Variants in GOLM1 observed in about 807,000 individuals in gnomAD.
The protein encoded by GOLM1 is epididymis luminal protein 46.
In GOLM1, 31 loss-of-function variants were observed where a neutral mutation model predicts 50.5. The ratio of observed to expected loss-of-function variants is 0.61; its 90% confidence interval spans 0.46 to 0.83. GOLM1 has a LOEUF of 0.83. Ranked by LOEUF, GOLM1 falls within the 40% of genes least tolerant of loss-of-function variation. The pLI, the probability that GOLM1 is intolerant of heterozygous loss-of-function variation, is 0.00. For synonymous variants in GOLM1, 178 were observed against 192.8 expected (o/e 0.92, Z 0.64); for missense variants, 491 against 501.3 (o/e 0.98, Z 0.20).
chr9:86,089,421 T>C (rs1835102555), intron 1 of GOLM1, among the ~76,000 whole-genome samples: 1 of 152,174 alleles, frequency 6.6e-6, no homozygotes, highest in South Asian at 2.1e-4. Flanking sequence ...TCTTTTCACA[T>C]AGTTCCATAT....
At chr9:86,044,355 T>G (rs1833462482) in intron 5 of GOLM1, among the ~76,000 whole-genome samples, 1 of 152,224 alleles carries the variant, frequency 6.6e-6, no homozygotes, top group South Asian at 2.1e-4. Flanking sequence ...TTCAGTTGTA[T>G]GTGGTTATAA....
chr9:86,077,180 T>C (rs1297540310), intron 3 of GOLM1, among the ~76,000 whole-genome samples: 2 of 151,890 alleles, frequency 1.3e-5, no homozygotes, highest in Non-Finnish European at 1.5e-5. Flanking sequence ...AATCTGAAAT[T>C]GTTCTTCTGC....
At chr9:86,053,439 C>CTGCTCCACACAACA (rs1564347210) in intron 3 of GOLM1, among the ~76,000 whole-genome samples, 4 of 4,864 alleles carry the variant, frequency 8.2e-4, no homozygotes, top group South Asian at 4.5e-3. Flanking sequence ...ACACCACACA[C>CTGCTCCACACAACA]CATTCCATAC....
intron 1 of GOLM1, among the ~76,000 whole-genome samples, chr9:86,098,721 G>A (rs1009800680): frequency 3.3e-5 from 5 of 152,224 alleles, no homozygotes; most frequent in Non-Finnish European, 5.9e-5. Context: ...TATTAAATGG[G>A]ATATGATTTT....
At chr9:86,041,402 T>C (rs527931676) in intron 5 of GOLM1, among the ~76,000 whole-genome samples, 11 of 152,282 alleles carry the variant, frequency 7.2e-5, no homozygotes, top group African/African-American at 1.7e-4. Context: ...GGAGTGGAGA[T>C]TGAGTTCAAC....
intron 1 of GOLM1, among the ~76,000 whole-genome samples, chr9:86,096,867 A>G (rs7852116): frequency 0.73 from 111,552 of 152,032 alleles, 41,971 homozygotes; most frequent in African/African-American, 0.9. Flanking sequence ...TTTTATTACT[A>G]AGAAACATCA....
intron 3 of GOLM1, among the ~76,000 whole-genome samples, chr9:86,076,112 C>T (rs114142396): frequency 0.023 from 3,573 of 152,156 alleles, 158 homozygotes; most frequent in African/African-American, 0.08. Flanking sequence ...GAGAGGTACA[C>T]GCATTATAAA....
At chr9:86,077,675 T>C (rs1205070459) in intron 2 of GOLM1, 84 bp from the exon 3 acceptor site, 3 of 935,842 alleles carry the variant, frequency 3.2e-6, no homozygotes, top group Admixed American at 3.8e-5. Flanking sequence ...AAAGACCACC[T>C]TGGGGCCCAG....
At chr9:86,076,937 GGTTT>G (rs1410163095) in intron 3 of GOLM1, among the ~76,000 whole-genome samples, 1 of 151,764 alleles carries the variant, frequency 6.6e-6, no homozygotes, top group African/African-American at 2.4e-5. Flanking sequence ...AGGATTTGTT[GGTTT>G]TTTTCCTAGC....
At chr9:86,035,866 C>CAAAAAAAAAAAAAAAAAAAAAAAAA (rs1276980708) in intron 7 of GOLM1, among the ~76,000 whole-genome samples, 3 of 46,740 alleles carry the variant, frequency 6.4e-5, no homozygotes, top group Admixed American at 2.7e-4. Flanking sequence ...AGTAGCTTAC[C>CAAAAAAAAAAAAAAAAAAAAAAAAA]AAAAAAAAAA....
At chr9:86,088,567 GTTTT>G (rs1230391173) in intron 1 of GOLM1, among the ~76,000 whole-genome samples, 4 of 58,798 alleles carry the variant, frequency 6.8e-5, no homozygotes, top group Non-Finnish European at 8.8e-5. Flanking sequence ...GCAACTCCTG[GTTTT>G]GTTTTTTTTT....
At position 86,055,792 on chromosome 9, in the gene GOLM1, G is replaced by C. The variant is rs140315675; in HGVS notation, c.310-3201C>G. 1.8e-3 allele frequency among the ~76,000 whole-genome samples: 269 copies of C among 152,236 alleles called. 1 individual carries two copies. Among genetic ancestry groups the C allele is most frequent in the Non-Finnish European group, 2.8e-3 (192 of 68,002 alleles). On this transcript the variant is annotated intron_variant, in intron 3 of 9. Transcript: ENST00000388712. ...GGTGGCTGTCCAGGGATAGGAGAGG[G>C]GGGAGGGAAATTGGTGTTTAGTGAG... is the stretch of plus-strand genomic sequence containing the variant.
At chr9:86,053,374 A>ATACACAT (rs1833841061) in intron 3 of GOLM1, among the ~76,000 whole-genome samples, 4 of 114,748 alleles carry the variant, frequency 3.5e-5, no homozygotes, top group Non-Finnish European at 3.6e-5. Context: ...ACTCCACACC[A>ATACACAT]CACACACCAA....
chr9:86,059,325 A>C (rs1030077771), intron 3 of GOLM1, among the ~76,000 whole-genome samples: 1 of 152,246 alleles, frequency 6.6e-6, no homozygotes, highest in African/African-American at 2.4e-5. Context: ...AGATAAAGCA[A>C]ACATGGTATA....
At chr9:86,062,268 G>A (rs1834182060) in intron 3 of GOLM1, among the ~76,000 whole-genome samples, 1 of 152,160 alleles carries the variant, frequency 6.6e-6, no homozygotes, top group Non-Finnish European at 1.5e-5. Context: ...TCCATGAGGT[G>A]TGGTGGCCAT....
chr9:86,056,451 A>T (rs1368848732), intron 3 of GOLM1, among the ~76,000 whole-genome samples: 1 of 151,552 alleles, frequency 6.6e-6, no homozygotes, highest in Non-Finnish European at 1.5e-5. Context: ...CATATTATAA[A>T]GAAGAAAAAA....
chr9:86,099,347 CA>C (rs1219046675), intron 1 of GOLM1, 63 bp downstream of exon 1: 9 of 151,766 alleles, frequency 5.9e-5, no homozygotes, highest in African/African-American at 2.2e-4. Context: ...GGGCCCTGGG[CA>C]AAGGAGGGAG....
chr9:86,051,294 A>AT (rs1833742166), intron 4 of GOLM1, among the ~76,000 whole-genome samples: 1 of 152,200 alleles, frequency 6.6e-6, no homozygotes, highest in Non-Finnish European at 1.5e-5. Flanking sequence ...CTATGTGGTC[A>AT]ATTTTGGAAT....
chr9:86,099,937 C>T (rs1159421608), upstream of GOLM1: 1 of 152,390 alleles, frequency 6.6e-6, no homozygotes, highest in Non-Finnish European at 1.5e-5. Flanking sequence ...GCCACACTCA[C>T]GTTACCTTCT....
Sources: allele counts gnomAD v4.1 joint callset (sites outside exome capture counted in the v4.1 genomes callset), GRCh38; gene constraint gnomAD v4.1.1; transcripts MANE v1.5; gene names NCBI Gene and HGNC (gene_info 2026-07-23, HGNC 2026-07-21).